SPATA6L: variants seen among roughly 807,000 people sequenced by gnomAD.
The protein encoded by SPATA6L is spermatogenesis associated 6 like, also known as spermatogenesis associated 6-like protein.
A neutral mutation model predicts 49.2 loss-of-function variants in SPATA6L; 68 were observed. The observed-to-expected ratio is 1.38, with a 90% CI of 1.14 to 1.69. The LOEUF is 1.69. Ranked by LOEUF, SPATA6L falls within the 40% of genes most tolerant of loss-of-function variation. The probability of loss-of-function intolerance (pLI) is 0.00; values close to 1 mark genes in which losing one functional copy is unlikely to be tolerated. For missense variants in SPATA6L, 668 were observed against 464.3 expected, an observed-to-expected ratio of 1.44 and a Z score of -4.03; for synonymous variants, 198 against 165.7, an observed-to-expected ratio of 1.19 and a Z score of -1.50.
chr9:4,622,464 A>T lies in SPATA6L; in HGVS notation c.716T>A (p.Leu239Ter). The change falls in exon 7 of 12, where the codon TTG becomes TAG. Residue 239 changes from leucine to a stop codon, truncating the protein, a stop_gained. Coordinates refer to ENST00000682582, the MANE Select transcript of SPATA6L (RefSeq NM_001353486.2). LOFTEE classifies it high-confidence loss of function. ...CTTAGATTTTCTTCTAGACCTCCTC[A>T]AATGATGCTCTGAAATATTCTCACC... ...PFGENISEHH[L>*]RRSRRKSKFS... The T allele has an allele frequency of 1.2e-6, 2 of 1,613,946 alleles. No individual in the cohort carries two copies. Among genetic ancestry groups the T allele is most frequent in the Middle Eastern group, 1.7e-4 (1 of 6,060 alleles).
intron 11 of SPATA6L, among the ~76,000 whole-genome samples, chr9:4,602,728 T>C (rs1477754209): frequency 2.6e-5 from 4 of 152,168 alleles, no homozygotes; most frequent in Admixed American, 1.3e-4. Context: ...GACATGGATT[T>C]CCATGTAAGA....
At chr9:4,606,798 G>A (rs1268485376) in intron 9 of SPATA6L, among the ~76,000 whole-genome samples, 4 of 148,442 alleles carry the variant, frequency 2.7e-5, no homozygotes, top group Non-Finnish European at 5.9e-5. Flanking sequence ...GACGGAGAAC[G>A]ACTTCGACGA....
In SPATA6L at chr9:4,662,930, G is replaced by A. The variant is rs773664207; in HGVS notation, c.40-894C>T. ...TGCTGCTGGTGGCCTTGATCAAAGG[G>A]CTGGTCCGCAGGCGCCGCCCGGCCC... On this transcript the variant is annotated intron_variant, in intron 1 of 11. Coordinates refer to ENST00000682582, the MANE Select transcript of SPATA6L (RefSeq NM_001353486.2). The surrounding 1 kb of genome is among the most constrained non-coding windows in gnomAD (Gnocchi z 4.9). 1 of 1,610,946 alleles carries A rather than the reference G, an allele frequency of 6.2e-7. No individual in the cohort carries two copies. Among genetic ancestry groups the A allele is most frequent in the Non-Finnish European group, 8.5e-7 (1 of 1,179,960 alleles).
At chr9:4,616,652 C>T (rs1044507070) in intron 9 of SPATA6L, among the ~76,000 whole-genome samples, 1 of 152,222 alleles carries the variant, frequency 6.6e-6, no homozygotes, top group Non-Finnish European at 1.5e-5. Context: ...ATGGCACGAT[C>T]TCAGCTCACC....
intron 2 of SPATA6L, among the ~76,000 whole-genome samples, chr9:4,657,926 G>T (rs1249595999): frequency 2.0e-5 from 3 of 152,122 alleles, no homozygotes; most frequent in Non-Finnish European, 4.4e-5. Flanking sequence ...AAGCACTGGA[G>T]CCGCCCCAGC....
At chr9:4,619,154 T>TG (rs1828689778) in intron 7 of SPATA6L, among the ~76,000 whole-genome samples, 1 of 140,888 alleles carries the variant, frequency 7.1e-6, no homozygotes, top group Non-Finnish European at 1.5e-5. Context: ...TCAGGTTTTC[T>TG]CTTTTTTTTT....
At chr9:4,639,607 G>C (rs976478640) in intron 3 of SPATA6L, among the ~76,000 whole-genome samples, 1 of 152,198 alleles carries the variant, frequency 6.6e-6, no homozygotes, top group African/African-American at 2.4e-5. Context: ...GCCTAGGTTA[G>C]AAATAATAAA....
At chr9:4,661,749 T>TCCAACTGCGGTATTGCTTCAAGG in intron 2 of SPATA6L, 150 bp downstream of exon 2, 1 of 799,952 alleles carries the variant, frequency 1.3e-6, no homozygotes. Context: ...AAGCAAGTGT[T>TCCAACTGCGGTATTGCTTCAAGG]CCGACTGCGG....
chr9:4,626,386 C>T (rs1482013894), intron 5 of SPATA6L: 1 of 1,297,480 alleles, frequency 7.7e-7, no homozygotes, highest in Non-Finnish European at 1.0e-6. Context: ...GAGCAGTGCC[C>T]CTCCTTTGAG....
At position 4,629,109 on chromosome 9, in the gene SPATA6L, C is replaced by G; in HGVS notation, c.411G>C (p.Leu137=). The G allele has an allele frequency of 1.2e-6, 2 of 1,606,420 alleles. No individual in the cohort carries two copies. The highest frequency in any genetic ancestry group is 1.1e-5 in the South Asian group (1 of 90,742). The change falls in exon 5 of 12, where the codon CTG becomes CTC. Residue 137 remains leucine (L), a synonymous_variant. Transcript: ENST00000682582. ...TRTAIRECVF[L]HRNRFLEERH... is the part of the protein sequence containing the mutation. ...TACTTACAAGAAATCTGTTTCTATG[C>G]AGAAACACACATTCTCTGATGGCTG...
In SPATA6L at chr9:4,666,358, G is replaced by C; in HGVS notation, c.-108C>G. 8.4e-7 allele frequency: 1 copy of C among 1,196,664 alleles called. No homozygotes were observed. Among genetic ancestry groups the C allele is most frequent in the Non-Finnish European group, 1.2e-6 (1 of 814,694 alleles). The allele number at this position is 1,196,664 out of a possible 1,614,324, so 74.1% of individuals were successfully genotyped here. The stretch of plus-strand genomic sequence containing the variant: ...ATACCTAGAGCAAATGTTCCCAGAA[G>C]CTTCCCCAGTCCCACGCCCTTGTTC... On this transcript the variant is annotated 5_prime_UTR_variant, in exon 1 of 12. Transcript: ENST00000682582.
At chr9:4,624,713 G>A (rs567690070) in intron 6 of SPATA6L, among the ~76,000 whole-genome samples, 60 of 141,220 alleles carry the variant, frequency 4.2e-4, no homozygotes, top group African/African-American at 1.5e-3. Flanking sequence ...AGGCGACAGC[G>A]CAAGACTCTG....
At chr9:4,592,370 G>T (rs74964537) in intron 13 of SPATA6L, among the ~76,000 whole-genome samples, 6 of 151,348 alleles carry the variant, frequency 4.0e-5, no homozygotes, top group Non-Finnish European at 8.8e-5. Context: ...CTCAGCAGAC[G>T]TTGGCATTGC....
chr9:4,599,531 G>T lies in SPATA6L; in HGVS notation c.*1280C>A, dbSNP rs960703068. Among the ~76,000 whole-genome samples, 14 of 152,316 alleles carry T rather than the reference G, an allele frequency of 9.2e-5. No homozygotes were observed. In the South Asian group the frequency reaches 1.9e-3, roughly 20 times the overall value. ...TCTATTCAGGCTGCTATAACAAAAT[G>T]TCATAAACTGGGTAGCTTACAAACT... On this transcript the variant is annotated 3_prime_UTR_variant, in exon 12 of 12. Transcript: ENST00000682582.
rs1418663946 is a variant in SPATA6L, at chr9:4,626,575, C to T, written c.430-1009G>A. 6 of 1,297,768 alleles carry T rather than the reference C, an allele frequency of 4.6e-6. No individual in the cohort carries two copies. The Admixed American group carries it at 1.4e-4, about 30-fold the overall frequency. The allele number at this position is 1,297,768 out of a possible 1,614,324, so 80.4% of individuals were successfully genotyped here. ...CCAGCCCTAGGGGTGGAAGCTGCTT[C>T]CTGCAGTTACTCTGTCATTTCAGTG... On this transcript the variant is annotated intron_variant, in intron 5 of 11. Transcript: ENST00000682582.
intron 3 of SPATA6L, among the ~76,000 whole-genome samples, chr9:4,654,547 C>T (rs941084643): frequency 6.6e-6 from 1 of 152,192 alleles, no homozygotes; most frequent in South Asian, 2.1e-4. Context: ...TCTGTACCCC[C>T]GGGTTTCTTG....
intron 2 of SPATA6L, among the ~76,000 whole-genome samples, chr9:4,657,897 T>C (rs1221561686): frequency 1.3e-5 from 2 of 152,164 alleles, no homozygotes; most frequent in African/African-American, 4.8e-5. Context: ...GGGCTTCAGT[T>C]TGCTTACCTA....
At chr9:4,654,657 G>A (rs1469725675) in intron 3 of SPATA6L, among the ~76,000 whole-genome samples, 1 of 152,212 alleles carries the variant, frequency 6.6e-6, no homozygotes, top group African/African-American at 2.4e-5. Flanking sequence ...GGAGCCAGCA[G>A]GGAGATGGTT....
chr9:4,660,461 A>G (rs371128319), intron 2 of SPATA6L, among the ~76,000 whole-genome samples: 1 of 152,248 alleles, frequency 6.6e-6, no homozygotes, highest in Non-Finnish European at 1.5e-5. Flanking sequence ...TCAGAGAAAT[A>G]CAAATCAAAA....
Sources: gnomAD v4.1 joint callset for allele counts (sites outside exome capture counted in the v4.1 genomes callset) on GRCh38, gnomAD v4.1.1 for gene constraint, Gnocchi (gnomAD v3.1) non-coding constraint, MANE v1.5 for transcripts, NCBI Gene and HGNC (gene_info 2026-07-23, HGNC 2026-07-21) for gene names.